The following DSCAML1 variants were observed in gnomAD, a reference collection of about 807,000 sequenced individuals.
The protein encoded by DSCAML1 is DS cell adhesion molecule like 1.
A neutral mutation model predicts 200.5 loss-of-function variants in DSCAML1; 38 were observed. The ratio of observed to expected loss-of-function variants is 0.19; its 90% CI spans 0.15 to 0.25. The LOEUF (loss-of-function observed/expected upper bound fraction) is 0.25, where lower values mean the gene tolerates loss of function less well. Ranked by LOEUF, DSCAML1 falls within the 10% of genes least tolerant of loss-of-function variation. The pLI is 1.00. For synonymous variants in DSCAML1, 1,215 were observed against 1,165.0 expected (o/e 1.04, Z -0.87); for missense variants, 2,223 against 2,858.8 (o/e 0.78, Z 5.07).
chr11:117,584,136 T>C (rs1356635056), intron 3 of DSCAML1, among the ~76,000 whole-genome samples: 1 of 152,180 alleles, frequency 6.6e-6, no homozygotes, highest in Non-Finnish European at 1.5e-5. Context: ...ATTTAAATTC[T>C]TTTCTGCTTC....
chr11:117,493,825 G>T (rs758357251), intron 11 of DSCAML1, among the ~76,000 whole-genome samples: 5 of 151,906 alleles, frequency 3.3e-5, no homozygotes, highest in Non-Finnish European at 5.9e-5. Context: ...ATGGGATTTC[G>T]CCCGATTGCC....
At chr11:117,568,375 G>C (rs529169807) in intron 3 of DSCAML1, among the ~76,000 whole-genome samples, 2 of 152,132 alleles carry the variant, frequency 1.3e-5, no homozygotes, top group Non-Finnish European at 2.9e-5. Flanking sequence ...TCTGGCCAGG[G>C]CAATCAGGCA....
At position 117,439,366 on chromosome 11, in the gene DSCAML1, C is replaced by T. The variant is rs1303719361; in HGVS notation, c.4044G>A (p.Leu1348=). The change falls in exon 23 of 33, where the codon CTG becomes CTA. Residue 1348 remains leucine (L), a synonymous_variant. Transcript: ENST00000651296. The part of the protein sequence containing the change: ...GHRLIHTNGT[L]LLRAVKAEDS... The stretch of plus-strand genomic sequence containing the variant: ...CCTCAGCCTTCACTGCACGCAGCAG[C>T]AGTGTGCCATTGGTGTGGATGAGCC... 1.4e-5 allele frequency: 23 copies of T among 1,613,878 alleles called. No individual in the cohort carries two copies. Among genetic ancestry groups the T allele is most frequent in the Non-Finnish European group, 8.5e-7 (1 of 1,180,010 alleles).
At position 117,760,680 on chromosome 11, in the gene DSCAML1, G is replaced by A. The variant is rs900608305; in HGVS notation, c.511+16111C>T. ...TGACTAATCCTGTCCATGTCTTTTT[G>A]TGCACATGTGTGAGTTTCTTTAAGG... On this transcript the variant is annotated intron_variant, in intron 3 of 32. Coordinates refer to ENST00000651296, the MANE Select transcript of DSCAML1 (RefSeq NM_020693.4). 2.0e-5 allele frequency among the ~76,000 whole-genome samples: 3 copies of A among 152,206 alleles called. No homozygotes were observed. The East Asian group carries it at 5.8e-4, about 29-fold the overall frequency.
chr11:117,702,642 G>A lies in DSCAML1; in HGVS notation c.511+74149C>T, dbSNP rs186780738. 2.2e-3 allele frequency among the ~76,000 whole-genome samples: 329 copies of A among 152,124 alleles called. 1 individual carries two copies. The highest frequency in any genetic ancestry group is 2.1e-3 in the Non-Finnish European group (144 of 68,004). On this transcript the variant is annotated intron_variant, in intron 3 of 32. Coordinates refer to ENST00000651296, the MANE Select transcript of DSCAML1 (RefSeq NM_020693.4). ...GGCGCATAGTAGGTATTCAGTACAC[G>A]TTTGTTGCATGAATGAATGAAAACA...
intron 3 of DSCAML1, among the ~76,000 whole-genome samples, chr11:117,684,773 G>A (rs2053376755): frequency 6.6e-6 from 1 of 152,248 alleles, no homozygotes; most frequent in East Asian, 1.9e-4. Flanking sequence ...ATGAGGTGTT[G>A]AGTGGAGTCT....
At chr11:117,777,785 T>C (rs2055157439) in intron 2 of DSCAML1, among the ~76,000 whole-genome samples, 1 of 152,140 alleles carries the variant, frequency 6.6e-6, no homozygotes, top group South Asian at 2.1e-4. Flanking sequence ...AGCCGCTGTA[T>C]GTGTCTGGCC....
intron 18 of DSCAML1, 106 bp from the exon 19 acceptor site, chr11:117,459,015 C>T: frequency 1.4e-6 from 2 of 1,424,932 alleles, no homozygotes; most frequent in East Asian, 2.3e-5. Context: ...CAGGCTCAGC[C>T]CTCGACTCCA....
intron 3 of DSCAML1, among the ~76,000 whole-genome samples, chr11:117,695,173 T>C (rs2053565511): frequency 6.6e-6 from 1 of 152,146 alleles, no homozygotes; most frequent in African/African-American, 2.4e-5. Context: ...CCACAGCTAC[T>C]GAGAAGGTAG....
At position 117,469,832 on chromosome 11, in the gene DSCAML1, TGCTGGGA is replaced by T; in HGVS notation, c.3024+71_3024+77del. The stretch of plus-strand genomic sequence containing the variant: ...ATATAAGACTAGAGACTAGCAAGCC[TGCTGGGA>T]GCTTTCGTCCTGGATTGAGGAGAGA... On this transcript the variant is annotated intron_variant, in intron 16 of 32. Transcript: ENST00000651296. The surrounding 1 kb of genome is among the most constrained non-coding windows in gnomAD (Gnocchi z 4.1). 1.5e-6 allele frequency: 2 copies of T among 1,354,288 alleles called. No homozygotes were observed. The highest frequency in any genetic ancestry group is 4.9e-5 in the East Asian group (2 of 40,568). 83.9% of individuals were successfully genotyped at this position (1,354,288 alleles called of 1,614,324 possible).
At chr11:117,454,877 T>A (rs141480716) in intron 19 of DSCAML1, among the ~76,000 whole-genome samples, 320 of 152,336 alleles carry the variant, frequency 2.1e-3, no homozygotes, top group African/African-American at 7.4e-3. Context: ...CTTAGAGTGC[T>A]GTCCTTCATG....
chr11:117,568,133 T>C (rs1319579368), intron 3 of DSCAML1, among the ~76,000 whole-genome samples: 1 of 152,214 alleles, frequency 6.6e-6, no homozygotes, highest in Non-Finnish European at 1.5e-5. Flanking sequence ...CAAATGATTA[T>C]CTCAATAAAT....
intron 3 of DSCAML1, among the ~76,000 whole-genome samples, chr11:117,694,085 A>ATG (rs919735553): frequency 1.5e-4 from 21 of 142,736 alleles, no homozygotes; most frequent in Middle Eastern, 3.8e-3. Flanking sequence ...ATATACACAT[A>ATG]TATATATATT....
intron 3 of DSCAML1, among the ~76,000 whole-genome samples, chr11:117,719,143 T>C (rs2054004376): frequency 6.6e-6 from 1 of 151,998 alleles, no homozygotes; most frequent in South Asian, 2.1e-4. Context: ...TTTTTAGAAA[T>C]AAAGAAACTG....
chr11:117,727,600 G>A (rs1485301256), intron 3 of DSCAML1, among the ~76,000 whole-genome samples: 1 of 152,224 alleles, frequency 6.6e-6, no homozygotes, highest in African/African-American at 2.4e-5. Context: ...GCAAGGGACT[G>A]TATCCAGGTG....
At chr11:117,685,587 C>T (rs188754662) in intron 3 of DSCAML1, among the ~76,000 whole-genome samples, 7 of 152,254 alleles carry the variant, frequency 4.6e-5, no homozygotes, top group African/African-American at 1.4e-4. Context: ...AGCACGGGTG[C>T]CTACAAATAT....
intron 16 of DSCAML1, among the ~76,000 whole-genome samples, chr11:117,467,387 GCGCA>G (rs1222558473): frequency 1.3e-5 from 2 of 152,138 alleles, no homozygotes; most frequent in Non-Finnish European, 2.9e-5. Context: ...ACCCACCCCA[GCGCA>G]TTTAAAAACA....
At chr11:117,713,463 A>G (rs925218051) in intron 3 of DSCAML1, among the ~76,000 whole-genome samples, 1 of 152,008 alleles carries the variant, frequency 6.6e-6, no homozygotes, top group Non-Finnish European at 1.5e-5. Context: ...ATCAGTCACC[A>G]TGGAACCCAC....
chr11:117,506,277 G>A (rs1465025732), intron 8 of DSCAML1, among the ~76,000 whole-genome samples: 1 of 152,214 alleles, frequency 6.6e-6, no homozygotes, highest in Non-Finnish European at 1.5e-5. Context: ...TTGAGTGTCA[G>A]GACAGGCGAG....
Sources: allele counts gnomAD v4.1 joint callset (sites outside exome capture counted in the v4.1 genomes callset), GRCh38; gene constraint gnomAD v4.1.1; non-coding constraint Gnocchi (gnomAD v3.1); transcripts MANE v1.5; gene names NCBI Gene and HGNC (gene_info 2026-07-23, HGNC 2026-07-21).